Variants in ADAMTS6 observed in about 807,000 individuals in gnomAD.
The protein encoded by ADAMTS6 is ADAM metallopeptidase with thrombospondin type 1 motif 6.
ADAMTS6 carries 23 observed loss-of-function variants against 144.3 expected under a neutral mutation model. The ratio of observed to expected loss-of-function variants is 0.16; its 90% confidence interval spans 0.11 to 0.23. The LOEUF (loss-of-function observed/expected upper bound fraction) is 0.23. ADAMTS6 is among the 10% of genes least tolerant of loss of function. The pLI, the probability that ADAMTS6 is intolerant of heterozygous loss-of-function variation, is 1.00. For missense variants in ADAMTS6, 999 were observed against 1,379.6 expected, an observed-to-expected ratio of 0.72 and a Z score of 4.37; for synonymous variants, 444 against 457.5, an observed-to-expected ratio of 0.97 and a Z score of 0.38.
chr5:65,370,878 G>C (rs993261954), intron 7 of ADAMTS6, among the ~76,000 whole-genome samples: 2 of 152,342 alleles, frequency 1.3e-5, no homozygotes, highest in East Asian at 3.9e-4. Flanking sequence ...GTCCCTGTCT[G>C]ACAGCTTTGA....
intron 10 of ADAMTS6, among the ~76,000 whole-genome samples, chr5:65,296,640 A>G (rs1438212889): frequency 6.6e-6 from 1 of 152,154 alleles, no homozygotes; most frequent in Non-Finnish European, 1.5e-5. Flanking sequence ...CTAGAGAGGA[A>G]ATGTAAGTGC....
At position 65,405,762 on chromosome 5, in the gene ADAMTS6, C is replaced by T. The variant is rs539407310; in HGVS notation, c.1073+45713G>A. On this transcript the variant is annotated intron_variant, in intron 7 of 24. Coordinates refer to ENST00000381055, the MANE Select transcript of ADAMTS6 (RefSeq NM_197941.4). ...ACTATGGCCATTTTCACGATATTGG[C>T]TCTTCCTATCCATGAGCATGGAATG... is the stretch of plus-strand genomic sequence containing the variant. Among the ~76,000 whole-genome samples the T allele has an allele frequency of 5.6e-4, 85 of 152,184 alleles. 1 individual carries two copies. The highest frequency in any genetic ancestry group is 3.1e-3 in the Admixed American group (47 of 15,272).
At chr5:65,311,919 C>G (rs1328761403) in intron 9 of ADAMTS6, among the ~76,000 whole-genome samples, 1 of 152,004 alleles carries the variant, frequency 6.6e-6, no homozygotes, top group Non-Finnish European at 1.5e-5. Flanking sequence ...TCTAAGCAAT[C>G]TTAATTTTTA....
At chr5:65,447,967 T>C (rs917192844) in intron 7 of ADAMTS6, among the ~76,000 whole-genome samples, 1 of 150,886 alleles carries the variant, frequency 6.6e-6, no homozygotes, top group African/African-American at 2.4e-5. Context: ...GAGGTAATCA[T>C]CATTTTAGAA....
chr5:65,481,007 G>A (rs1458199240), intron 1 of ADAMTS6, among the ~76,000 whole-genome samples: 2 of 151,826 alleles, frequency 1.3e-5, no homozygotes, highest in African/African-American at 2.4e-5. Context: ...ATTACCTTCC[G>A]GATTACTATT....
At chr5:65,417,115 T>G (rs1336961107) in intron 7 of ADAMTS6, among the ~76,000 whole-genome samples, 1 of 151,974 alleles carries the variant, frequency 6.6e-6, no homozygotes, top group African/African-American at 2.4e-5. Context: ...TAAACAGAAT[T>G]AAAAACAAAA....
At chr5:65,209,744 G>A (rs895312538) in intron 20 of ADAMTS6, among the ~76,000 whole-genome samples, 3 of 152,176 alleles carry the variant, frequency 2.0e-5, no homozygotes, top group African/African-American at 7.2e-5. Flanking sequence ...GACTGCCACC[G>A]AAAGTTCTTT....
rs1761976576 is a variant in ADAMTS6, at chr5:65,270,597, A to AT, written c.1620+2742dup. On this transcript the variant is annotated intron_variant, in intron 12 of 24. Coordinates refer to ENST00000381055, the MANE Select transcript of ADAMTS6 (RefSeq NM_197941.4). ...TTCCTTTCTAGGAATCTGCATTTGT[A>AT]TTTTTTTCATTCATTTATTCATTCT... 3.3e-5 allele frequency among the ~76,000 whole-genome samples: 5 copies of AT among 151,988 alleles called. No individual in the cohort carries two copies. The South Asian group carries it at 1.0e-3, about 32-fold the overall frequency.
At chr5:65,389,446 AT>A (rs1752734128) in intron 7 of ADAMTS6, among the ~76,000 whole-genome samples, 1 of 152,152 alleles carries the variant, frequency 6.6e-6, no homozygotes, top group African/African-American at 2.4e-5. Context: ...TAAAATTATA[AT>A]TTATTATGAC....
chr5:65,196,410 G>T (rs1037258396), intron 21 of ADAMTS6, among the ~76,000 whole-genome samples: 1 of 149,820 alleles, frequency 6.7e-6, no homozygotes, highest in East Asian at 2.0e-4. Flanking sequence ...GTAGTCCCAG[G>T]TACTTGGGAG....
intron 9 of ADAMTS6, among the ~76,000 whole-genome samples, chr5:65,326,091 A>T (rs1307084954): frequency 6.6e-6 from 1 of 152,108 alleles, no homozygotes. Flanking sequence ...ATATGCATTC[A>T]TAACCAAAAA....
chr5:65,433,215 AT>A (rs1757126202), intron 7 of ADAMTS6, among the ~76,000 whole-genome samples: 2 of 152,024 alleles, frequency 1.3e-5, no homozygotes, highest in Admixed American at 1.3e-4. Flanking sequence ...ATTCCACCAT[AT>A]TTTTTCTTCT....
intron 7 of ADAMTS6, among the ~76,000 whole-genome samples, chr5:65,338,636 A>G (rs989726739): frequency 3.9e-5 from 6 of 152,058 alleles, no homozygotes; most frequent in Admixed American, 1.3e-4. Context: ...CCTGAAAGAC[A>G]CACCCTCCCA....
intron 7 of ADAMTS6, among the ~76,000 whole-genome samples, chr5:65,364,824 C>T (rs901557296): frequency 1.3e-5 from 2 of 152,038 alleles, no homozygotes; most frequent in African/African-American, 2.4e-5. Context: ...CCTCAGCCTC[C>T]CAAAGTGCTG....
chr5:65,437,586 A>G (rs758889842), intron 7 of ADAMTS6, among the ~76,000 whole-genome samples: 5 of 152,180 alleles, frequency 3.3e-5, no homozygotes, highest in African/African-American at 4.8e-5. Context: ...ATCACAAGGT[A>G]TAGTCATCCT....
intron 12 of ADAMTS6, among the ~76,000 whole-genome samples, chr5:65,271,781 G>A (rs10461383): frequency 0.29 from 44,560 of 151,922 alleles, 6,762 homozygotes; most frequent in Admixed American, 0.37. Context: ...CTTCTAAGTA[G>A]AGACTGAGGT....
At chr5:65,248,196 T>C (rs1759802341) in intron 14 of ADAMTS6, among the ~76,000 whole-genome samples, 1 of 152,168 alleles carries the variant, frequency 6.6e-6, no homozygotes, top group Non-Finnish European at 1.5e-5. Context: ...GGCATTCAAA[T>C]ACAGTTAAAT....
At chr5:65,386,731 G>A (rs889467233) in intron 7 of ADAMTS6, among the ~76,000 whole-genome samples, 8 of 152,128 alleles carry the variant, frequency 5.3e-5, no homozygotes, top group African/African-American at 1.7e-4. Flanking sequence ...GGAATTATAG[G>A]TGCCCACCAC....
At chr5:65,281,762 TA>T (rs1273660358) in intron 11 of ADAMTS6, among the ~76,000 whole-genome samples, 2 of 152,176 alleles carry the variant, frequency 1.3e-5, no homozygotes, top group South Asian at 2.1e-4. Context: ...GGTAATCATC[TA>T]ATGTAAAATA....
Sources: gnomAD v4.1 joint callset for allele counts (sites outside exome capture counted in the v4.1 genomes callset) on GRCh38, gnomAD v4.1.1 for gene constraint, MANE v1.5 for transcripts, NCBI Gene and HGNC (gene_info 2026-07-23, HGNC 2026-07-21) for gene names.